Variants in BTRC observed in about 807,000 individuals in gnomAD.
The protein encoded by BTRC is F-box/WD repeat-containing protein 1A.
Under a neutral mutation model 85.5 loss-of-function variants are expected in BTRC, and 42 were observed. That is an observed-to-expected ratio of 0.49 (90% CI 0.38 to 0.64). The LOEUF is 0.64. Among genes scored for constraint, BTRC ranks in the 30% least tolerant of loss-of-function variants. The pLI is 0.00. For synonymous variants in BTRC, 255 were observed against 263.3 expected (o/e 0.97, Z 0.30); for missense variants, 594 against 743.5 (o/e 0.80, Z 2.34).
rs16405 is a variant in BTRC, at chr10:101,553,962, CAACAGTGGA to C, written c.*840_*848del. 0.32 allele frequency: 48,064 copies of C among 152,084 alleles called. 9,719 individuals carry two copies. Among genetic ancestry groups the C allele is most frequent in the East Asian group, 0.66 (3,378 of 5,124 alleles). 9.4% of individuals were successfully genotyped at this position (152,084 alleles called of 1,614,324 possible). Reference sequence around the variant, plus strand: ...GCCTTTGCTGCAAGTGACCCTGTGGCAACAGTGGATTCTCAGACATGATACTCTCATCAT... The same window carrying C: ...GCCTTTGCTGCAAGTGACCCTGTGGCTTCTCAGACATGATACTCTCATCAT... On this transcript the variant is annotated 3_prime_UTR_variant, in exon 15 of 15. Coordinates refer to ENST00000370187, the MANE Select transcript of BTRC (RefSeq NM_033637.4).
rs2062733848 is a variant in BTRC, at chr10:101,557,292, A to G, written c.*4169A>G. ...TAACTGTTCAGAAAAAAAGTAAATT[A>G]CAAATATAAGATTAAAGTGAATTTT... On this transcript the variant is annotated 3_prime_UTR_variant, in exon 15 of 15. Transcript: ENST00000370187. The G allele has an allele frequency of 6.6e-6, 1 of 152,220 alleles. No individual in the cohort carries two copies. The highest frequency in any genetic ancestry group is 2.1e-4 in the South Asian group (1 of 4,830). The allele number at this position is 152,220 out of a possible 1,614,324, so 9.4% of individuals were successfully genotyped here. A position where few individuals can be genotyped will look rare whatever the true frequency, so the allele number is the denominator to read the frequency against.
At chr10:101,540,649 G>A (rs2062452600) in intron 13 of BTRC, among the ~76,000 whole-genome samples, 1 of 151,986 alleles carries the variant, frequency 6.6e-6, no homozygotes, top group South Asian at 2.1e-4. Flanking sequence ...AAGTCTGCTG[G>A]GAATGTTTTT....
At chr10:101,493,767 CA>C (rs1293380205) in intron 4 of BTRC, among the ~76,000 whole-genome samples, 22 of 152,174 alleles carry the variant, frequency 1.4e-4, no homozygotes, top group African/African-American at 5.1e-4. Flanking sequence ...CCTCAATTAG[CA>C]GCCACAAAAA....
intron 2 of BTRC, among the ~76,000 whole-genome samples, chr10:101,436,078 G>A (rs918532638): frequency 6.6e-6 from 1 of 152,092 alleles, no homozygotes; most frequent in African/African-American, 2.4e-5. Context: ...AAATTCTATG[G>A]GGATATGTTT....
intron 1 of BTRC, among the ~76,000 whole-genome samples, chr10:101,411,323 G>C (rs1287749854): frequency 6.6e-6 from 1 of 151,976 alleles, no homozygotes; most frequent in South Asian, 2.1e-4. Context: ...GTTTTGTATG[G>C]GTTGGTCTAT....
chr10:101,418,591 T>C (rs924087489), intron 1 of BTRC, among the ~76,000 whole-genome samples: 2 of 152,068 alleles, frequency 1.3e-5, no homozygotes, highest in Non-Finnish European at 2.9e-5. Flanking sequence ...GGCAATAGTT[T>C]AGACCTCTTC....
At chr10:101,500,145 A>G (rs1370795206) in intron 4 of BTRC, among the ~76,000 whole-genome samples, 5 of 151,714 alleles carry the variant, frequency 3.3e-5, no homozygotes, top group Admixed American at 2.6e-4. Flanking sequence ...TCATTAGGCA[A>G]TTTTGTTGTA....
At chr10:101,549,339 G>C (rs1205264059) in intron 13 of BTRC, among the ~76,000 whole-genome samples, 1 of 151,566 alleles carries the variant, frequency 6.6e-6, no homozygotes, top group Non-Finnish European at 1.5e-5. Flanking sequence ...GCTTAAGCAG[G>C]AAAATCACTT....
chr10:101,480,486 C>A (rs1945804934), intron 4 of BTRC, among the ~76,000 whole-genome samples: 1 of 152,170 alleles, frequency 6.6e-6, no homozygotes, highest in African/African-American at 2.4e-5. Flanking sequence ...TTGCTCTCTG[C>A]CTCATAGATG....
intron 4 of BTRC, among the ~76,000 whole-genome samples, chr10:101,486,433 A>G (rs956518680): frequency 7.5e-6 from 1 of 133,394 alleles, no homozygotes; most frequent in Non-Finnish European, 1.7e-5. Flanking sequence ...AGCGTGGCAC[A>G]TTTCTCAGGG....
intron 1 of BTRC, among the ~76,000 whole-genome samples, chr10:101,385,610 T>G (rs1033550483): frequency 2.2e-5 from 1 of 44,644 alleles, no homozygotes; most frequent in Non-Finnish European, 3.8e-5. Flanking sequence ...TCTTTCTTTC[T>G]TCTTCTTCTT....
intron 1 of BTRC, among the ~76,000 whole-genome samples, chr10:101,392,117 T>C (rs920816577): frequency 7.2e-5 from 11 of 152,182 alleles, no homozygotes; most frequent in African/African-American, 2.2e-4. Flanking sequence ...GTAGCTGGGA[T>C]TACTGGCGTG....
chr10:101,466,617 C>T (rs1404350062), intron 3 of BTRC, among the ~76,000 whole-genome samples: 2 of 152,152 alleles, frequency 1.3e-5, no homozygotes, highest in African/African-American at 4.8e-5. Flanking sequence ...TTTAAAGGTG[C>T]TGACCCACTG....
At chr10:101,531,129 C>G (rs987971320) in intron 6 of BTRC, 108 bp from the exon 7 acceptor site, 4 of 880,056 alleles carry the variant, frequency 4.5e-6, no homozygotes, top group Non-Finnish European at 6.9e-6. Context: ...CAACATCACA[C>G]TGCTGCACTC....
At chr10:101,475,953 A>ATATATATATATATATAT (rs1265691229) in intron 3 of BTRC, among the ~76,000 whole-genome samples, 5 of 133,804 alleles carry the variant, frequency 3.7e-5, no homozygotes, top group African/African-American at 1.2e-4. Context: ...ATATATATAT[A>ATATATATATATATATAT]TTCAGTAATT....
chr10:101,372,506 G>A (rs1273953461), intron 1 of BTRC, among the ~76,000 whole-genome samples: 1 of 145,492 alleles, frequency 6.9e-6, no homozygotes, highest in Non-Finnish European at 1.5e-5. Flanking sequence ...TGCCCGCCTC[G>A]GCCTCCCAAA....
intron 1 of BTRC, among the ~76,000 whole-genome samples, chr10:101,391,558 G>A (rs567421925): frequency 6.6e-6 from 1 of 152,286 alleles, no homozygotes; most frequent in Non-Finnish European, 1.5e-5. Context: ...TTGTTCATCT[G>A]ATGTATGTTG....
At chr10:101,422,158 C>T (rs1029396517) in intron 1 of BTRC, among the ~76,000 whole-genome samples, 2 of 152,188 alleles carry the variant, frequency 1.3e-5, no homozygotes, top group African/African-American at 4.8e-5. Context: ...TTAATGATCA[C>T]CATTCTAACT....
At chr10:101,441,829 C>A (rs570110442) in intron 2 of BTRC, among the ~76,000 whole-genome samples, 1 of 130,780 alleles carries the variant, frequency 7.6e-6, no homozygotes, top group African/African-American at 2.9e-5. Context: ...AGCAGTCAGC[C>A]GAGATCACAC....
Sources: allele counts gnomAD v4.1 joint callset (sites outside exome capture counted in the v4.1 genomes callset), GRCh38; gene constraint gnomAD v4.1.1; transcripts MANE v1.5; gene names NCBI Gene and HGNC (gene_info 2026-07-23, HGNC 2026-07-21).